Variants in FPGS observed in about 807,000 individuals in gnomAD.
The protein encoded by FPGS is folylpolyglutamate synthase, mitochondrial.
FPGS carries 53 observed loss-of-function variants against 66.5 expected under a neutral mutation model. The observed-to-expected ratio is 0.80, with a 90% CI of 0.64 to 1.00. FPGS has a LOEUF of 1.00. Among genes scored for constraint, FPGS ranks in the 50% least tolerant of loss-of-function variants. FPGS has a pLI of 0.00. For synonymous variants in FPGS, 348 were observed against 350.9 expected (o/e 0.99, Z 0.09); for missense variants, 702 against 807.7 (o/e 0.87, Z 1.59).
intron 14 of FPGS, 90 bp from the exon 15 acceptor site, chr9:127,813,105 C>T: frequency 1.3e-6 from 2 of 1,491,456 alleles, no homozygotes; most frequent in Non-Finnish European, 1.8e-6. Flanking sequence ...TGGTGCGAAG[C>T]AGGTGCTCAC....
downstream of FPGS, chr9:127,814,463 G>A (rs1029238734): frequency 6.6e-6 from 1 of 152,316 alleles, no homozygotes; most frequent in Non-Finnish European, 1.5e-5. Flanking sequence ...GGCCAACATG[G>A]TGAAACCCCG....
chr9:127,807,233 C>G lies in FPGS; in HGVS notation c.526C>G (p.Pro176Ala), dbSNP rs1247428982. Residue 176 changes from proline to alanine, a missense_variant, in exon 6 of 15, where the codon CCC becomes GCC. By Grantham distance (27) the Pro-to-Ala change is conservative. Transcript: ENST00000373247. The surrounding 1 kb of genome is among the most constrained non-coding windows in gnomAD (Gnocchi z 5.8). ...GGATGGCAGCTGTGTCTCCATGCCC[C>G]CCTACTTCCGCTTCCTGACACTCAT... Reference protein sequence around the residue: ...TKDGSCVSMPPYFRFLTLMAF... With the variant: ...TKDGSCVSMPAYFRFLTLMAF... The G allele has an allele frequency of 3.7e-6, 6 of 1,614,164 alleles. No individual in the cohort carries two copies. In the Admixed American group the frequency reaches 1.0e-4, roughly 27 times the overall value.
At chr9:127,805,078 G>A (rs1829756632) in intron 4 of FPGS, among the ~76,000 whole-genome samples, 1 of 151,830 alleles carries the variant, frequency 6.6e-6, no homozygotes, top group South Asian at 2.1e-4. Flanking sequence ...TAGTAGAGAT[G>A]GGGTTTCACC....
In FPGS at chr9:127,813,973, T is replaced by G; in HGVS notation, c.*369T>G. 9.4e-7 allele frequency: 1 copy of G among 1,061,564 alleles called. No homozygotes were observed. The highest frequency in any genetic ancestry group is 4.5e-5 in the South Asian group (1 of 22,130). The allele number at this position is 1,061,564 out of a possible 1,614,324, so 65.8% of individuals were successfully genotyped here. A position where few individuals can be genotyped will look rare whatever the true frequency, so the allele number is the denominator to read the frequency against. On this transcript the variant is annotated 3_prime_UTR_variant, in exon 15 of 15. Coordinates refer to ENST00000373247, the MANE Select transcript of FPGS (RefSeq NM_004957.6). Reference sequence around the variant, plus strand: ...TGGGTGGTAGATTTCCTCCTCCCAGTGCCTTCTGGGAAGGGAGAGGGCCTC... The same window carrying G: ...TGGGTGGTAGATTTCCTCCTCCCAGGGCCTTCTGGGAAGGGAGAGGGCCTC...
chr9:127,810,368 C>T (rs944945918), intron 13 of FPGS, among the ~76,000 whole-genome samples: 4 of 151,798 alleles, frequency 2.6e-5, no homozygotes, highest in African/African-American at 9.7e-5. Context: ...ACTCTGGACT[C>T]GCTTGTCATG....
Position 127,802,960 on chromosome 9 carries a change from A to G in FPGS, c.36A>G (p.Leu12=), listed in dbSNP as rs1829657477. Residue 12 remains leucine (L), a synonymous_variant, in exon 1 of 15, where the codon CTA becomes CTG. Coordinates refer to ENST00000373247, the MANE Select transcript of FPGS (RefSeq NM_004957.6). ...SRARSHLRAA[L]FLAAASARGI... is the part of the protein sequence containing the mutation. The stretch of plus-strand genomic sequence containing the variant: ...CGCGGAGCCACCTGCGCGCCGCTCT[A>G]TTCCTGGCAGCGGCGTCTGCGCGCG... The G allele has an allele frequency of 1.4e-6, 2 of 1,448,988 alleles. No homozygotes were observed. Among genetic ancestry groups the G allele is most frequent in the African/African-American group, 1.5e-5 (1 of 66,856 alleles). 89.8% of individuals were successfully genotyped at this position (1,448,988 alleles called of 1,614,324 possible).
chr9:127,808,942 T>G lies in FPGS; in HGVS notation c.1060+53T>G, dbSNP rs994409988. ...GACCACTGCGTGTGTCTGTGCCCCTTCAGATTTTTTTTTTTTTTTTTTTTG... is the reference window on the plus strand; with the variant it reads ...GACCACTGCGTGTGTCTGTGCCCCTGCAGATTTTTTTTTTTTTTTTTTTTG... On this transcript the variant is annotated intron_variant, in intron 11 of 14. Coordinates refer to ENST00000373247, the MANE Select transcript of FPGS (RefSeq NM_004957.6). The G allele has an allele frequency of 2.6e-4, 314 of 1,187,624 alleles. 1 individual carries two copies. Among genetic ancestry groups the G allele is most frequent in the Non-Finnish European group, 3.5e-4 (302 of 856,988 alleles). 73.6% of individuals were successfully genotyped at this position (1,187,624 alleles called of 1,614,324 possible). A position where few individuals can be genotyped will look rare whatever the true frequency, so the allele number is the denominator to read the frequency against.
At position 127,809,836 on chromosome 9, in the gene FPGS, T is replaced by A; in HGVS notation, c.1211+2T>A. On this transcript the variant is annotated splice_donor_variant, in intron 12 of 14. Coordinates refer to ENST00000373247, the MANE Select transcript of FPGS (RefSeq NM_004957.6). LOFTEE classifies it high-confidence loss of function. ...GCAGGGCCGCGAGAGGCCGAGCGGGTGAGGGGCAGGGCTGGGGGTGGGGCC... is the reference window on the plus strand; with the variant it reads ...GCAGGGCCGCGAGAGGCCGAGCGGGAGAGGGGCAGGGCTGGGGGTGGGGCC... The A allele has an allele frequency of 7.6e-7, 1 of 1,314,232 alleles. No individual in the cohort carries two copies. Among genetic ancestry groups the A allele is most frequent in the Non-Finnish European group, 9.9e-7 (1 of 1,008,354 alleles). The allele number at this position is 1,314,232 out of a possible 1,614,324, so 81.4% of individuals were successfully genotyped here.
chr9:127,809,541 G>T (rs1479751071), intron 11 of FPGS, 143 bp from the exon 12 acceptor site: 2 of 702,104 alleles, frequency 2.8e-6, no homozygotes, highest in Non-Finnish European at 4.3e-6. Flanking sequence ...ACTGGTGCTA[G>T]TAAAAAGTTC....
intron 1 of FPGS, chr9:127,803,322 T>A (rs1376244609): frequency 8.3e-7 from 1 of 1,200,360 alleles, no homozygotes; most frequent in Non-Finnish European, 1.0e-6. Flanking sequence ...GGAGCTAGGA[T>A]CCAGAAGCCC....
intron 14 of FPGS, among the ~76,000 whole-genome samples, chr9:127,812,595 G>A (rs547108103): frequency 7.9e-5 from 12 of 152,242 alleles, no homozygotes; most frequent in Non-Finnish European, 1.6e-4. Context: ...TCCACCTCCC[G>A]GGTTCAAGTG....
Position 127,808,268 on chromosome 9 carries a change from A to C in FPGS, c.779A>C (p.Glu260Ala). The C allele has an allele frequency of 6.2e-7, 1 of 1,614,068 alleles. No homozygotes were observed. Among genetic ancestry groups the C allele is most frequent in the Non-Finnish European group, 8.5e-7 (1 of 1,179,976 alleles). The change falls in exon 9 of 15, where the codon GAA (glutamate) becomes GCA (alanine). Residue 260 changes from glutamate to alanine, a missense_variant. Physicochemically the swap from Glu to Ala is moderately radical, Grantham distance 107. This residue lies in a region of FPGS where 240 missense variants were observed against 348.6 expected (regional missense o/e 0.69). Transcript: ENST00000373247. Reference sequence around the variant, plus strand: ...CCTGCCTTCACTGTGCTCCAACCTGAAGGTCCCCTGGCAGTGCTGAGGGAC... The same window carrying C: ...CCTGCCTTCACTGTGCTCCAACCTGCAGGTCCCCTGGCAGTGCTGAGGGAC... ...GVPAFTVLQP[E>A]GPLAVLRDRA...
At position 127,808,572 on chromosome 9, in the gene FPGS, G is replaced by A; in HGVS notation, c.837G>A (p.Leu279=). 6.2e-7 allele frequency: 1 copy of A among 1,612,746 alleles called. No homozygotes were observed. The highest frequency in any genetic ancestry group is 1.7e-4 in the Middle Eastern group (1 of 6,054). ...GTCTCCCCTAGTGTCCTCTATACCT[G>A]TGTCCGATGCTGGAGGCCCTCGAGG... ...RAQQISCPLY[L]CPMLEALEEG... The change falls in exon 10 of 15, where the codon CTG becomes CTA. Residue 279 remains leucine (L), a synonymous_variant. Transcript: ENST00000373247.
Position 127,804,415 on chromosome 9 carries a change from T to G in FPGS, c.267+2T>G. On this transcript the variant is annotated splice_donor_variant, in intron 2 of 14. Coordinates refer to ENST00000373247, the MANE Select transcript of FPGS (RefSeq NM_004957.6). LOFTEE classifies it high-confidence loss of function. The stretch of plus-strand genomic sequence containing the variant: ...TACCTGGCACGGAGTGGGCTGCAGG[T>G]AAGGTAGAGAGGGCCTGTGACCACC... 1 of 1,613,980 alleles carries G rather than the reference T, an allele frequency of 6.2e-7. No individual in the cohort carries two copies. The highest frequency in any genetic ancestry group is 8.5e-7 in the Non-Finnish European group (1 of 1,179,984).
chr9:127,806,824 C>T, intron 4 of FPGS, 149 bp from the exon 5 acceptor site: 1 of 637,602 alleles, frequency 1.6e-6, no homozygotes, highest in Non-Finnish European at 2.8e-6. Context: ...TGGGGGGCTA[C>T]AGATAGTCCG....
rs539811806 is a variant in FPGS at position 127,810,981 on chromosome 9, C to T, written c.1324C>T (p.Leu442=). The T allele has an allele frequency of 1.4e-5, 23 of 1,590,170 alleles. No individual in the cohort carries two copies. In the East Asian group the frequency reaches 4.8e-4, roughly 33 times the overall value. ...QFDYAVFCPN[L]TEVSSTGNAD... is the part of the protein sequence containing the mutation. Reference sequence around the variant, plus strand: ...TGACTATGCCGTCTTCTGCCCTAACCTGACAGAGGTGTCATCCACAGGCAA... The same window carrying T: ...TGACTATGCCGTCTTCTGCCCTAACTTGACAGAGGTGTCATCCACAGGCAA... Residue 442 remains leucine, a synonymous_variant, in exon 14 of 15, where the codon CTG becomes TTG. Coordinates refer to ENST00000373247, the MANE Select transcript of FPGS (RefSeq NM_004957.6).
intron 4 of FPGS, 71 bp downstream of exon 4, chr9:127,804,771 C>T (rs113385716): frequency 3.3e-6 from 5 of 1,498,754 alleles, no homozygotes; most frequent in African/African-American, 1.4e-5. Flanking sequence ...CCAGCCAGTG[C>T]TTCAGGACCA....
rs1404765769 is a variant in FPGS, at chr9:127,811,004, C to T, written c.1347C>T (p.Gly449=). 6.3e-7 allele frequency: 1 copy of T among 1,587,094 alleles called. No individual in the cohort carries two copies. Among genetic ancestry groups the T allele is most frequent in the Non-Finnish European group, 8.6e-7 (1 of 1,164,100 alleles). ...CPNLTEVSST[G]NADQQNFTVT... ...ACCTGACAGAGGTGTCATCCACAGG[C>T]AACGCAGGTGAGAGGTGACAGGCAT... Residue 449 remains glycine (G), a synonymous_variant, in exon 14 of 15, where the codon GGC becomes GGT. Transcript: ENST00000373247.
At position 127,803,056 on chromosome 9, in the gene FPGS, G is replaced by A. The variant is rs1334288222; in HGVS notation, c.132G>A (p.Glu44=). 2 of 1,414,562 alleles carry A rather than the reference G, an allele frequency of 1.4e-6. No individual in the cohort carries two copies. The highest frequency in any genetic ancestry group is 9.2e-7 in the Non-Finnish European group (1 of 1,091,164). 87.6% of individuals were successfully genotyped at this position (1,414,562 alleles called of 1,614,324 possible). ...CGGTGCCGCAGGAGCCGAGCATGGA[G>A]TACCAGGTATCAGGCGGGCCAGCGG... ...AWPVPQEPSM[E]YQDAVRMLNT... is the part of the protein sequence containing the mutation. Residue 44 remains glutamate, a synonymous_variant, in exon 1 of 15, where the codon GAG becomes GAA. Coordinates refer to ENST00000373247, the MANE Select transcript of FPGS (RefSeq NM_004957.6).
Sources: allele counts gnomAD v4.1 joint callset (sites outside exome capture counted in the v4.1 genomes callset), GRCh38; gene constraint gnomAD v4.1.1; regional missense constraint gnomAD v4.1.1; non-coding constraint Gnocchi (gnomAD v3.1); transcripts MANE v1.5; gene names NCBI Gene and HGNC (gene_info 2026-07-23, HGNC 2026-07-21).